NRXN3: variants seen among roughly 807,000 people sequenced by gnomAD.
The protein encoded by NRXN3 is neurexin 3.
In NRXN3, 32 loss-of-function variants were observed where a neutral mutation model predicts 137.6. The observed-to-expected ratio is 0.23, with a 90% CI of 0.18 to 0.31. The LOEUF is 0.31. Ranked by LOEUF, NRXN3 falls within the 10% of genes least tolerant of loss-of-function variation. The pLI is 1.00. For synonymous variants in NRXN3, 798 were observed against 784.5 expected, an observed-to-expected ratio of 1.02 and a Z score of -0.29; for missense variants, 1,574 against 2,062.5, an observed-to-expected ratio of 0.76 and a Z score of 4.59.
At chr14:79,559,877 A>G (rs930553537) in intron 16 of NRXN3, among the ~76,000 whole-genome samples, 4 of 152,190 alleles carry the variant, frequency 2.6e-5, no homozygotes, top group African/African-American at 9.6e-5. Flanking sequence ...GAAAAAGTGT[A>G]CATGCTAGGG....
At chr14:79,657,438 G>A (rs1019658726) in intron 16 of NRXN3, among the ~76,000 whole-genome samples, 6 of 152,168 alleles carry the variant, frequency 3.9e-5, no homozygotes, top group South Asian at 2.1e-4. Context: ...CTCTACAGCC[G>A]TGGTCTTGTC....
At position 79,868,020 on chromosome 14, in the gene NRXN3, C is replaced by T. The variant is rs1276487122; in HGVS notation, c.*6056C>T. 2.6e-5 allele frequency: 4 copies of T among 151,704 alleles called. No homozygotes were observed. Among genetic ancestry groups the T allele is most frequent in the Non-Finnish European group, 5.9e-5 (4 of 67,990 alleles). The allele number at this position is 151,704 out of a possible 1,614,324, so 9.4% of individuals were successfully genotyped here. On this transcript the variant is annotated 3_prime_UTR_variant, in exon 21 of 21. Coordinates refer to ENST00000335750, the MANE Select transcript of NRXN3 (RefSeq NM_001330195.2). ...TCAAAATGCCATGGCTCATCTGGTA[C>T]TGTAACTTAAGATAAACTGCTTAGC...
chr14:78,568,958 C>T (rs1246678887), intron 4 of NRXN3, among the ~76,000 whole-genome samples: 1 of 135,324 alleles, frequency 7.4e-6, no homozygotes, highest in Non-Finnish European at 1.5e-5. Context: ...TATGACTTTG[C>T]AGGTTTTTTT....
chr14:79,131,395 C>T (rs2057446188), intron 15 of NRXN3, among the ~76,000 whole-genome samples: 1 of 152,024 alleles, frequency 6.6e-6, no homozygotes, highest in South Asian at 2.1e-4. Context: ...TTCCTTCTAA[C>T]AGACAGGACC....
intron 15 of NRXN3, among the ~76,000 whole-genome samples, chr14:79,114,961 TG>T (rs2054155940): frequency 6.6e-6 from 1 of 152,144 alleles, no homozygotes; most frequent in Admixed American, 6.5e-5. Flanking sequence ...ACATTACTCT[TG>T]GGTCTGGCCT....
At chr14:78,758,316 G>A (rs998750531) in intron 8 of NRXN3, among the ~76,000 whole-genome samples, 5 of 152,198 alleles carry the variant, frequency 3.3e-5, no homozygotes, top group African/African-American at 9.7e-5. Flanking sequence ...TAAAAGTGCT[G>A]TAATCACTGT....
chr14:79,737,223 T>C (rs912643518), intron 19 of NRXN3, among the ~76,000 whole-genome samples: 15 of 152,194 alleles, frequency 9.9e-5, no homozygotes, highest in African/African-American at 3.1e-4. Context: ...GCCCATGGGT[T>C]GTCCACTTTG....
At chr14:78,291,596 T>C (rs1160850799) in intron 3 of NRXN3, among the ~76,000 whole-genome samples, 1 of 152,202 alleles carries the variant, frequency 6.6e-6, no homozygotes, top group Non-Finnish European at 1.5e-5. Context: ...CTACAGACAC[T>C]TTTGGCTTCT....
intron 6 of NRXN3, among the ~76,000 whole-genome samples, chr14:78,652,109 G>T (rs537490718): frequency 3.7e-4 from 57 of 152,340 alleles, no homozygotes; most frequent in African/African-American, 1.3e-3. Flanking sequence ...ATCTGTTGTT[G>T]TGTACCCTGT....
chr14:78,231,137 G>A (rs2065336709), intron 1 of NRXN3: 1 of 152,262 alleles, frequency 6.6e-6, no homozygotes, highest in African/African-American at 2.4e-5. Context: ...AGAGATGGTA[G>A]ATTGGGTGAG....
intron 6 of NRXN3, among the ~76,000 whole-genome samples, chr14:78,665,977 C>T (rs1242394583): frequency 1.3e-5 from 2 of 152,180 alleles, no homozygotes; most frequent in African/African-American, 2.4e-5. Context: ...AGGTGTCCCT[C>T]TATCTTTGTA....
intron 4 of NRXN3, among the ~76,000 whole-genome samples, chr14:78,330,206 CAGAG>C (rs988063501): frequency 2.9e-4 from 44 of 152,228 alleles, no homozygotes; most frequent in African/African-American, 9.9e-4. Context: ...TTTCTTGAAA[CAGAG>C]AGAGCTTGAG....
intron 15 of NRXN3, among the ~76,000 whole-genome samples, chr14:79,294,460 A>C (rs1036640909): frequency 1.3e-5 from 2 of 152,206 alleles, no homozygotes; most frequent in Non-Finnish European, 2.9e-5. Context: ...GAGAAAATTC[A>C]CGGTAATTAT....
chr14:79,511,507 G>T (rs1178325200), intron 16 of NRXN3, among the ~76,000 whole-genome samples: 1 of 152,126 alleles, frequency 6.6e-6, no homozygotes, highest in Non-Finnish European at 1.5e-5. Context: ...CCAACTATTT[G>T]CTGTTAACAG....
chr14:78,766,307 T>C (rs1218996609), intron 8 of NRXN3, among the ~76,000 whole-genome samples: 1 of 152,212 alleles, frequency 6.6e-6, no homozygotes, highest in African/African-American at 2.4e-5. Flanking sequence ...TTTCTCTGGC[T>C]TATGCTTCTA....
intron 15 of NRXN3, among the ~76,000 whole-genome samples, chr14:79,392,996 A>T (rs1281438174): frequency 7.3e-6 from 1 of 136,574 alleles, no homozygotes; most frequent in Non-Finnish European, 1.6e-5. Context: ...AAAAAAATTC[A>T]GGAAACAACA....
At chr14:78,807,936 T>G (rs1249265195) in intron 9 of NRXN3, among the ~76,000 whole-genome samples, 1 of 151,986 alleles carries the variant, frequency 6.6e-6, no homozygotes, top group Non-Finnish European at 1.5e-5. Flanking sequence ...AAACGTAGAT[T>G]TAAAGGAAAT....
chr14:78,669,813 TGGTTTTGGTG>T (rs1225447088), intron 6 of NRXN3, among the ~76,000 whole-genome samples: 3 of 152,156 alleles, frequency 2.0e-5, no homozygotes, highest in Non-Finnish European at 4.4e-5. Flanking sequence ...GTCACCATCT[TGGTTTTGGTG>T]GGTTTTGGCT....
chr14:79,865,790 T>G lies in NRXN3; in HGVS notation c.*3826T>G, dbSNP rs2099417875. Reference sequence around the variant, plus strand: ...ACAGGCATGGGCCACCACACCCAGCTCATTTTTTAATTTATTTTTTATTTT... The same window carrying G: ...ACAGGCATGGGCCACCACACCCAGCGCATTTTTTAATTTATTTTTTATTTT... On this transcript the variant is annotated 3_prime_UTR_variant, in exon 21 of 21. Transcript: ENST00000335750. 6.6e-6 allele frequency: 1 copy of G among 152,108 alleles called. No individual in the cohort carries two copies. Among genetic ancestry groups the G allele is most frequent in the Non-Finnish European group, 1.5e-5 (1 of 68,028 alleles). The allele number at this position is 152,108 out of a possible 1,614,324, so 9.4% of individuals were successfully genotyped here.
Sources: allele counts gnomAD v4.1 joint callset (sites outside exome capture counted in the v4.1 genomes callset), GRCh38; gene constraint gnomAD v4.1.1; transcripts MANE v1.5; gene names NCBI Gene and HGNC (gene_info 2026-07-23, HGNC 2026-07-21).